Variants in BMPR2 observed in about 807,000 individuals in gnomAD.
BMPR2 encodes the protein bone morphogenetic protein receptor type 2.
Under a neutral mutation model 100.8 loss-of-function variants are expected in BMPR2, and 29 were observed. The ratio of observed to expected loss-of-function variants is 0.29; its 90% CI spans 0.21 to 0.39. BMPR2 has a LOEUF of 0.39. BMPR2 is among the 10% of genes least tolerant of loss of function. The pLI, the probability that BMPR2 is intolerant of heterozygous loss-of-function variation, is 1.00. For missense variants in BMPR2, 1,011 were observed against 1,274.5 expected (o/e 0.79, Z 3.15); for synonymous variants, 382 against 442.3 (o/e 0.86, Z 1.71).
At position 202,423,140 on chromosome 2, in the gene BMPR2, C is replaced by T. The variant is rs1250485827; in HGVS notation, c.77-41669C>T. Among the ~76,000 whole-genome samples, 5 of 152,286 alleles carry T rather than the reference C, an allele frequency of 3.3e-5. No homozygotes were observed. In the East Asian group the frequency reaches 5.8e-4, roughly 18 times the overall value. ...CAAACCTCAAGTGATCCACCCTCCT[C>T]GCCCACCCAGAGTGCTGGGATTACA... On this transcript the variant is annotated intron_variant, in intron 1 of 12. Coordinates refer to ENST00000374580, the MANE Select transcript of BMPR2 (RefSeq NM_001204.7).
chr2:202,475,010 A>G (rs1029404570), intron 3 of BMPR2: 2 of 152,186 alleles, frequency 1.3e-5, no homozygotes, highest in African/African-American at 2.4e-5. Context: ...CATTGTTAAT[A>G]TTTAGAATGT....
chr2:202,443,571 CT>C (rs1214785868), intron 1 of BMPR2, among the ~76,000 whole-genome samples: 1 of 145,686 alleles, frequency 6.9e-6, no homozygotes, highest in African/African-American at 2.7e-5. Context: ...TTTCTTTCTT[CT>C]TTTTTTTTCA....
intron 3 of BMPR2, among the ~76,000 whole-genome samples, chr2:202,498,000 G>A (rs972430863): frequency 6.6e-6 from 1 of 152,166 alleles, no homozygotes; most frequent in Non-Finnish European, 1.5e-5. Flanking sequence ...GATATGGGGA[G>A]CCTTAGAAAT....
chr2:202,556,130 C>A lies in BMPR2; in HGVS notation c.2465C>A (p.Thr822Lys). The A allele has an allele frequency of 6.2e-7, 1 of 1,614,092 alleles. No homozygotes were observed. ...CACAGTGTTAACTCCCATGCTGCCA[C>A]AACCCAATATGCCAATGGGACAGTA... The part of the protein sequence containing the change: ...RNHSVNSHAA[T>K]TQYANGTVLS... Residue 822 changes from threonine to lysine, a missense_variant, in exon 12 of 13, where the codon ACA (threonine) becomes AAA (lysine). Transcript: ENST00000374580.
At chr2:202,510,955 A>G (rs1165708651) in intron 3 of BMPR2, among the ~76,000 whole-genome samples, 1 of 150,254 alleles carries the variant, frequency 6.7e-6, no homozygotes, top group Non-Finnish European at 1.5e-5. Flanking sequence ...TTGGGATGAC[A>G]GGAGTGAGCC....
At chr2:202,471,913 T>C (rs1692445988) in intron 3 of BMPR2, among the ~76,000 whole-genome samples, 1 of 81,662 alleles carries the variant, frequency 1.2e-5, no homozygotes. Flanking sequence ...AAAAAAAGAT[T>C]GTGTGTGTGT....
intron 9 of BMPR2, among the ~76,000 whole-genome samples, chr2:202,540,235 GA>G (rs924505248): frequency 6.6e-5 from 10 of 150,618 alleles, no homozygotes; most frequent in Admixed American, 2.7e-4. Context: ...ACCAGCATTT[GA>G]AAAAAAAATA....
At chr2:202,380,057 CG>C (rs1559019066) in intron 1 of BMPR2, among the ~76,000 whole-genome samples, 2 of 151,860 alleles carry the variant, frequency 1.3e-5, no homozygotes, top group Non-Finnish European at 2.9e-5. Context: ...TTAGTGGAGA[CG>C]GGGTTTCACC....
intron 3 of BMPR2, among the ~76,000 whole-genome samples, chr2:202,492,231 C>T (rs565035627): frequency 4.1e-4 from 63 of 152,048 alleles, no homozygotes; most frequent in African/African-American, 1.4e-3. Flanking sequence ...ACTTTTGGGA[C>T]CCTTGGTGTT....
chr2:202,393,882 C>CGAGAGAGAGAGAGAGAGAGA lies in BMPR2; in HGVS notation c.76+16365_76+16384dup, dbSNP rs56708616. 6.4e-4 allele frequency among the ~76,000 whole-genome samples: 63 copies of CGAGAGAGAGAGAGAGAGAGA among 97,920 alleles called. 3 individuals carry two copies. Among genetic ancestry groups the CGAGAGAGAGAGAGAGAGAGA allele is most frequent in the South Asian group, 1.5e-3 (4 of 2,692 alleles). The allele number at this position is 97,920 out of a possible 152,430, so 64.2% of individuals were successfully genotyped here. A position where few individuals can be genotyped will look rare whatever the true frequency, so the allele number is the denominator to read the frequency against. On this transcript the variant is annotated intron_variant, in intron 1 of 12. Transcript: ENST00000374580. Reference sequence around the variant, plus strand: ...GCATCTAATTAAGGTAATGAGAGAGCGAGAGAGAGAGAGAGAGAGAGAGAG... The same window carrying CGAGAGAGAGAGAGAGAGAGA: ...GCATCTAATTAAGGTAATGAGAGAGCGAGAGAGAGAGAGAGAGAGAGAGAGAGAGAGAGAGAGAGAGAGAG...
At chr2:202,406,746 G>A (rs1164675430) in intron 1 of BMPR2, among the ~76,000 whole-genome samples, 1 of 152,126 alleles carries the variant, frequency 6.6e-6, no homozygotes, top group Non-Finnish European at 1.5e-5. Flanking sequence ...CACACTAGAG[G>A]CTGTGACTTG....
intron 1 of BMPR2, among the ~76,000 whole-genome samples, chr2:202,462,628 AC>A (rs1266731916): frequency 6.8e-6 from 1 of 146,952 alleles, no homozygotes. Flanking sequence ...ACCACCCCGT[AC>A]CTTTTTTTTT....
intron 1 of BMPR2, among the ~76,000 whole-genome samples, chr2:202,441,436 G>T (rs906331431): frequency 1.3e-5 from 2 of 149,870 alleles, no homozygotes; most frequent in African/African-American, 5.1e-5. Context: ...TGGGTGCGGT[G>T]GCTCACGCCT....
chr2:202,377,409 G>C lies in BMPR2; in HGVS notation c.-66G>C. The C allele has an allele frequency of 6.6e-7, 1 of 1,516,206 alleles. No individual in the cohort carries two copies. Among genetic ancestry groups the C allele is most frequent in the Non-Finnish European group, 9.2e-7 (1 of 1,090,804 alleles). 93.9% of individuals were successfully genotyped at this position (1,516,206 alleles called of 1,614,324 possible). ...GGGAGAGAAGACGAGCCTCCCGGCT[G>C]TTTCTCCGCCGGTCTACTTCCCATA... On this transcript the variant is annotated 5_prime_UTR_variant, in exon 1 of 13. Transcript: ENST00000374580.
At chr2:202,548,668 G>T (rs767945989) in intron 10 of BMPR2, among the ~76,000 whole-genome samples, 4 of 151,930 alleles carry the variant, frequency 2.6e-5, no homozygotes, top group Non-Finnish European at 5.9e-5. Context: ...GATTGAAAAA[G>T]TTCCTTGTTT....
intron 1 of BMPR2, among the ~76,000 whole-genome samples, chr2:202,401,969 A>G (rs1458106344): frequency 6.6e-6 from 1 of 152,240 alleles, no homozygotes; most frequent in African/African-American, 2.4e-5. Context: ...AAAGAGCTCT[A>G]TTGTTAGTAC....
intron 9 of BMPR2, 80 bp from the exon 10 acceptor site, chr2:202,542,231 G>A: frequency 1.3e-6 from 2 of 1,533,178 alleles, no homozygotes; most frequent in Non-Finnish European, 1.8e-6. Flanking sequence ...TGCTTACTTG[G>A]TATCAGAAAT....
At chr2:202,400,342 G>C (rs1162041832) in intron 1 of BMPR2, among the ~76,000 whole-genome samples, 1 of 143,078 alleles carries the variant, frequency 7.0e-6, no homozygotes, top group Admixed American at 7.2e-5. Flanking sequence ...TAGAGACAAC[G>C]TCTCGCTATG....
chr2:202,445,239 T>C (rs1464792307), intron 1 of BMPR2, among the ~76,000 whole-genome samples: 1 of 150,264 alleles, frequency 6.7e-6, no homozygotes, highest in East Asian at 1.9e-4. Context: ...TATTTATTTA[T>C]ATATTTAAGA....
Sources: gnomAD v4.1 joint callset for allele counts (sites outside exome capture counted in the v4.1 genomes callset) on GRCh38, gnomAD v4.1.1 for gene constraint, MANE v1.5 for transcripts, NCBI Gene and HGNC (gene_info 2026-07-23, HGNC 2026-07-21) for gene names.